DRC11: variants seen among roughly 807,000 people sequenced by gnomAD.
DRC11 encodes the protein IQ and AAA domain-containing protein 1.
At chr2:236,374,866 T>TC in the DRC11 span, among the ~76,000 whole-genome samples, 1 of 149,628 alleles carries the variant, frequency 6.7e-6, no homozygotes, top group East Asian at 1.9e-4. Context: ...AATTTTTTTT[T>TC]TTTTTTTTTT....
the DRC11 span, among the ~76,000 whole-genome samples, chr2:236,490,357 T>C: frequency 6.6e-6 from 1 of 152,210 alleles, no homozygotes; most frequent in Non-Finnish European, 1.5e-5. The surrounding 1 kb of genome is among the most constrained non-coding windows in gnomAD (Gnocchi z 5.5). Flanking sequence ...GTCTTTCCAC[T>C]AAGCAACCCA....
At chr2:236,463,125 A>C in the DRC11 span, among the ~76,000 whole-genome samples, 1 of 152,148 alleles carries the variant, frequency 6.6e-6, no homozygotes, top group Non-Finnish European at 1.5e-5. The surrounding 1 kb of genome is among the most constrained non-coding windows in gnomAD (Gnocchi z 5.0). Context: ...ATTTTTGCTG[A>C]TATACTAACA....
the DRC11 span, among the ~76,000 whole-genome samples, chr2:236,446,293 A>T: frequency 6.6e-6 from 1 of 152,140 alleles, no homozygotes; most frequent in African/African-American, 2.4e-5. The surrounding 1 kb of genome is among the most constrained non-coding windows in gnomAD (Gnocchi z 6.2). Context: ...TAAAACCTTC[A>T]GAGGGGAGAG....
the DRC11 span, chr2:236,486,841 G>A: frequency 1.2e-6 from 2 of 1,609,656 alleles, no homozygotes; most frequent in Non-Finnish European, 1.7e-6. This position sits in a 1 kb window ranked among gnomAD's most constrained non-coding sequence, Gnocchi z 5.7. Flanking sequence ...TACCCAGGAA[G>A]ATCATCTCCT....
chr2:236,507,172 AAG>A, the DRC11 span: 8 of 1,415,058 alleles, frequency 5.7e-6, no homozygotes, highest in Non-Finnish European at 7.9e-6. Flanking sequence ...GAAAAGAAAA[AAG>A]AAAATAAGAG....
At chr2:236,473,348 C>T in the DRC11 span, among the ~76,000 whole-genome samples, 2 of 152,256 alleles carry the variant, frequency 1.3e-5, no homozygotes, top group African/African-American at 2.4e-5. This position sits in a 1 kb window ranked among gnomAD's most constrained non-coding sequence, Gnocchi z 4.8. Flanking sequence ...CTCATTTGGG[C>T]GCCCAAGCTC....
chr2:236,339,991 T>C, the DRC11 span, among the ~76,000 whole-genome samples: 823 of 152,378 alleles, frequency 5.4e-3, 9 homozygotes, highest in African/African-American at 0.019. Context: ...TTGGGAATTA[T>C]TACCATCTTA....
At chr2:236,365,540 C>T in the DRC11 span, among the ~76,000 whole-genome samples, 4 of 151,734 alleles carry the variant, frequency 2.6e-5, no homozygotes, top group East Asian at 1.9e-4. This position sits in a 1 kb window ranked among gnomAD's most constrained non-coding sequence, Gnocchi z 7.4. Context: ...GCCAGGGGGC[C>T]GGGAGAGGTT....
the DRC11 span, among the ~76,000 whole-genome samples, chr2:236,481,090 G>A: frequency 2.0e-3 from 303 of 152,336 alleles, 1 homozygote; most frequent in Middle Eastern, 6.8e-3. Flanking sequence ...TGTGGAGCCT[G>A]CCTTCTACAG....
chr2:236,329,641 G>A, the DRC11 span, among the ~76,000 whole-genome samples: 1 of 152,270 alleles, frequency 6.6e-6, no homozygotes, highest in South Asian at 2.1e-4. Flanking sequence ...GAGAGTGTGA[G>A]GGTGTCACTC....
the DRC11 span, among the ~76,000 whole-genome samples, chr2:236,459,611 A>T: frequency 2.8e-4 from 40 of 142,358 alleles, 1 homozygote; most frequent in African/African-American, 1.1e-3. Flanking sequence ...ATATATACGT[A>T]TATAAGTATA....
At chr2:236,338,238 A>G in the DRC11 span, 1 of 1,614,004 alleles carries the variant, frequency 6.2e-7, no homozygotes, top group East Asian at 2.2e-5. Context: ...CTGGGCACCA[A>G]AATAATTTTC....
chr2:236,413,128 T>C, the DRC11 span, among the ~76,000 whole-genome samples: 1 of 152,198 alleles, frequency 6.6e-6, no homozygotes, highest in Non-Finnish European at 1.5e-5. This position sits in a 1 kb window ranked among gnomAD's most constrained non-coding sequence, Gnocchi z 4.0. Context: ...GTGCCTCCAT[T>C]GGCCCTTTGC....
At chr2:236,404,119 T>C in the DRC11 span, among the ~76,000 whole-genome samples, 1 of 129,524 alleles carries the variant, frequency 7.7e-6, no homozygotes, top group African/African-American at 3.0e-5. Flanking sequence ...GGTGGCCCAC[T>C]CCACTGTCAG....
At chr2:236,500,215 T>C in the DRC11 span, among the ~76,000 whole-genome samples, 1 of 152,140 alleles carries the variant, frequency 6.6e-6, no homozygotes, top group Middle Eastern at 3.2e-3. The surrounding 1 kb of genome is among the most constrained non-coding windows in gnomAD (Gnocchi z 6.3). Flanking sequence ...CCCTATGAGG[T>C]AGGCATAATT....
the DRC11 span, among the ~76,000 whole-genome samples, chr2:236,385,413 C>T: frequency 2.1e-5 from 3 of 142,260 alleles, no homozygotes; most frequent in African/African-American, 5.2e-5. Flanking sequence ...ATTTTATTCT[C>T]TTTGAAGCAA....
At chr2:236,373,797 T>C in the DRC11 span, among the ~76,000 whole-genome samples, 24,555 of 152,180 alleles carry the variant, frequency 0.16, 2,215 homozygotes, top group Admixed American at 0.22. Context: ...TCTTTATAGA[T>C]GTTAAAAATG....
the DRC11 span, among the ~76,000 whole-genome samples, chr2:236,330,616 G>A: frequency 6.6e-6 from 1 of 152,190 alleles, no homozygotes; most frequent in Non-Finnish European, 1.5e-5. The surrounding 1 kb of genome is among the most constrained non-coding windows in gnomAD (Gnocchi z 5.5). Context: ...GGCTTGGATG[G>A]GAATTTCAGT....
the DRC11 span, among the ~76,000 whole-genome samples, chr2:236,437,702 G>C: frequency 4.6e-5 from 7 of 151,766 alleles, no homozygotes; most frequent in African/African-American, 1.7e-4. Context: ...GTGATGCTGA[G>C]CATTTTTTCA....
Sources: gnomAD v4.1 joint callset for allele counts (sites outside exome capture counted in the v4.1 genomes callset) on GRCh38, gnomAD v4.1.1 for gene constraint, Gnocchi (gnomAD v3.1) non-coding constraint, MANE v1.5 for transcripts, NCBI Gene and HGNC (gene_info 2026-07-23, HGNC 2026-07-21) for gene names.